KPNA4: variants seen among roughly 807,000 people sequenced by gnomAD.
KPNA4 encodes the protein importin subunit alpha-3.
A neutral mutation model predicts 71.3 loss-of-function variants in KPNA4; 13 were observed. The observed-to-expected ratio is 0.18, with a 90% CI of 0.12 to 0.29. The LOEUF (loss-of-function observed/expected upper bound fraction) is 0.29. Ranked by LOEUF, KPNA4 falls within the 10% of genes least tolerant of loss-of-function variation. The pLI, the probability that KPNA4 is intolerant of heterozygous loss-of-function variation, is 1.00. For synonymous variants in KPNA4, 189 were observed against 195.2 expected, an observed-to-expected ratio of 0.97 and a Z score of 0.26; for missense variants, 334 against 603.2, an observed-to-expected ratio of 0.55 and a Z score of 4.67.
intron 1 of KPNA4, among the ~76,000 whole-genome samples, chr3:160,561,478 G>C (rs775372897): frequency 6.6e-6 from 1 of 151,998 alleles, no homozygotes; most frequent in Non-Finnish European, 1.5e-5. Context: ...AATATCATCT[G>C]ATAGTTCCTG....
At chr3:160,515,222 A>G (rs549475191) in intron 12 of KPNA4, 1 of 592,496 alleles carries the variant, frequency 1.7e-6, no homozygotes, top group East Asian at 3.9e-5. Flanking sequence ...AATTATCTCT[A>G]TTTCATCATT....
At chr3:160,535,010 C>T (rs754850832) in intron 5 of KPNA4, among the ~76,000 whole-genome samples, 1 of 151,972 alleles carries the variant, frequency 6.6e-6, no homozygotes, top group Non-Finnish European at 1.5e-5. Context: ...GTGTGAGCCA[C>T]CTCGCCCGGC....
At chr3:160,509,080 T>TC (rs1289129606) in intron 14 of KPNA4, among the ~76,000 whole-genome samples, 1 of 152,226 alleles carries the variant, frequency 6.6e-6, no homozygotes, top group Non-Finnish European at 1.5e-5. Flanking sequence ...CTAAATTTGT[T>TC]CTTTTTACCT....
intron 1 of KPNA4, among the ~76,000 whole-genome samples, chr3:160,563,348 G>C (rs910178138): frequency 6.6e-6 from 1 of 152,190 alleles, no homozygotes; most frequent in Non-Finnish European, 1.5e-5. Context: ...AATCTAAGAA[G>C]ACAAAAACTG....
At chr3:160,506,216 T>A (rs1000565821) in intron 15 of KPNA4, among the ~76,000 whole-genome samples, 4 of 152,084 alleles carry the variant, frequency 2.6e-5, no homozygotes, top group African/African-American at 9.7e-5. Context: ...TTGCCCAGGC[T>A]GGAGTGCAGT....
intron 10 of KPNA4, among the ~76,000 whole-genome samples, chr3:160,523,588 G>A (rs549687677): frequency 1.4e-3 from 213 of 152,190 alleles, no homozygotes; most frequent in African/African-American, 3.7e-3. Flanking sequence ...GGTGGCTCAC[G>A]CCTGCAATCC....
chr3:160,516,451 A>T (rs2108546772), intron 11 of KPNA4, among the ~76,000 whole-genome samples: 1 of 151,954 alleles, frequency 6.6e-6, no homozygotes, highest in Admixed American at 6.5e-5. Flanking sequence ...ATAAAAAAAA[A>T]AAAGACAGAA....
Position 160,546,433 on chromosome 3 carries a change from G to A in KPNA4, c.70-9593C>T, listed in dbSNP as rs565743118. Among the ~76,000 whole-genome samples the A allele has an allele frequency of 2.6e-5, 4 of 152,224 alleles. No homozygotes were observed. The South Asian group carries it at 6.2e-4, about 24-fold the overall frequency. The stretch of plus-strand genomic sequence containing the variant: ...CTTGGGAGGCAGAGGGAGGAGAATC[G>A]CTTGAACCCAGGCGGCCGAGGTTGC... On this transcript the variant is annotated intron_variant, in intron 1 of 16. Coordinates refer to ENST00000334256, the MANE Select transcript of KPNA4 (RefSeq NM_002268.5).
intron 10 of KPNA4, 91 bp downstream of exon 10, chr3:160,525,709 G>T: frequency 1.5e-6 from 1 of 661,234 alleles, no homozygotes; most frequent in Non-Finnish European, 2.3e-6. Context: ...GACACAATGT[G>T]TTAGTATAAT....
chr3:160,560,462 G>T (rs1436476113), intron 1 of KPNA4, among the ~76,000 whole-genome samples: 1 of 151,792 alleles, frequency 6.6e-6, no homozygotes, highest in Admixed American at 6.5e-5. Flanking sequence ...TAAATCTGAT[G>T]ACATGCTCTT....
chr3:160,528,801 G>A (rs763069244), intron 7 of KPNA4, among the ~76,000 whole-genome samples: 4 of 152,184 alleles, frequency 2.6e-5, no homozygotes, highest in Non-Finnish European at 4.4e-5. Flanking sequence ...ACAGAGATAG[G>A]TCTGTATCTG....
chr3:160,502,039 TAC>T lies in KPNA4; in HGVS notation c.*63_*64del, dbSNP rs1209185427. On this transcript the variant is annotated 3_prime_UTR_variant, in exon 17 of 17. Transcript: ENST00000334256. ...ATATATATGTATATATATATATATA[TAC>T]ACACACACATATATATATATATATC... 76 of 387,748 alleles carry T rather than the reference TAC, an allele frequency of 2.0e-4. No homozygotes were observed. Among genetic ancestry groups the T allele is most frequent in the South Asian group, 3.9e-4 (7 of 17,744 alleles). 24.0% of individuals were successfully genotyped at this position (387,748 alleles called of 1,614,324 possible). A position where few individuals can be genotyped will look rare whatever the true frequency, so the allele number is the denominator to read the frequency against.
intron 1 of KPNA4, among the ~76,000 whole-genome samples, chr3:160,540,089 T>A (rs1255484559): frequency 1.4e-5 from 2 of 146,746 alleles, no homozygotes; most frequent in East Asian, 4.1e-4. Context: ...AACCTCCGCC[T>A]CCTGGGTTCA....
Position 160,509,454 on chromosome 3 carries a change from G to T in KPNA4, c.1209+346C>A, listed in dbSNP as rs533821413. Among the ~76,000 whole-genome samples the T allele has an allele frequency of 4.6e-5, 7 of 152,134 alleles. No individual in the cohort carries two copies. In the South Asian group the frequency reaches 1.0e-3, roughly 23 times the overall value. ...CTATAGGGGCCTCAATTTTACCATGGATTAAAAAATTCTTGTAGGCCAATA... is the reference window on the plus strand; with the variant it reads ...CTATAGGGGCCTCAATTTTACCATGTATTAAAAAATTCTTGTAGGCCAATA... On this transcript the variant is annotated intron_variant, in intron 14 of 16. Coordinates refer to ENST00000334256, the MANE Select transcript of KPNA4 (RefSeq NM_002268.5).
chr3:160,543,423 C>T (rs1045459410), intron 1 of KPNA4, among the ~76,000 whole-genome samples: 5 of 151,820 alleles, frequency 3.3e-5, no homozygotes, highest in Admixed American at 2.0e-4. Context: ...TCACTGTAAC[C>T]TCAGCCTGCT....
chr3:160,513,725 T>C (rs1380693586), intron 13 of KPNA4, among the ~76,000 whole-genome samples: 1 of 152,334 alleles, frequency 6.6e-6, no homozygotes, highest in Admixed American at 6.5e-5. Context: ...TCCCTAATCT[T>C]ATAGGCTTAA....
rs1411977399 is a variant in KPNA4 at position 160,565,361 on chromosome 3, G to A, written c.-79C>T. On this transcript the variant is annotated 5_prime_UTR_variant, in exon 1 of 17. Coordinates refer to ENST00000334256, the MANE Select transcript of KPNA4 (RefSeq NM_002268.5). ...CAACGCGCCGCACCGACACTCCCAGGAACCGGGCCGCCGCCTGAGCTGCTG... is the reference window on the plus strand; with the variant it reads ...CAACGCGCCGCACCGACACTCCCAGAAACCGGGCCGCCGCCTGAGCTGCTG... The A allele has an allele frequency of 8.2e-6, 10 of 1,214,136 alleles. No individual in the cohort carries two copies. The highest frequency in any genetic ancestry group is 1.2e-5 in the Non-Finnish European group (10 of 848,236). The allele number at this position is 1,214,136 out of a possible 1,614,324, so 75.2% of individuals were successfully genotyped here.
chr3:160,555,361 C>T (rs1722115573), intron 1 of KPNA4, among the ~76,000 whole-genome samples: 1 of 152,182 alleles, frequency 6.6e-6, no homozygotes. Flanking sequence ...TTTCAAGGTT[C>T]ATCCATACCG....
chr3:160,536,133 A>C (rs1721688510), intron 2 of KPNA4, among the ~76,000 whole-genome samples: 2 of 152,098 alleles, frequency 1.3e-5, no homozygotes, highest in Admixed American at 1.3e-4. Flanking sequence ...ACCGTGAACT[A>C]TGTAAAAACA....
Sources: allele counts gnomAD v4.1 joint callset (sites outside exome capture counted in the v4.1 genomes callset), GRCh38; gene constraint gnomAD v4.1.1; transcripts MANE v1.5; gene names NCBI Gene and HGNC (gene_info 2026-07-23, HGNC 2026-07-21).